The following AP4B1 variants were observed in gnomAD, a reference collection of about 807,000 sequenced individuals.
AP4B1 encodes the protein AP-4 complex subunit beta-1.
A neutral mutation model predicts 76.5 loss-of-function variants in AP4B1; 49 were observed. The observed-to-expected ratio is 0.64, with a 90% CI of 0.51 to 0.81. The LOEUF (loss-of-function observed/expected upper bound fraction) is 0.81, where lower values mean the gene tolerates loss of function less well. Ranked by LOEUF, AP4B1 falls within the 40% of genes least tolerant of loss-of-function variation. The probability of loss-of-function intolerance (pLI) is 0.00; values close to 1 mark genes in which losing one functional copy is unlikely to be tolerated. For synonymous variants in AP4B1, 330 were observed against 333.3 expected (o/e 0.99, Z 0.11); for missense variants, 911 against 904.9 (o/e 1.01, Z -0.09).
chr1:113,898,675 C>T (rs1430612840), intron 6 of AP4B1, 43 bp downstream of exon 6: 1 of 1,448,600 alleles, frequency 6.9e-7, no homozygotes, highest in Non-Finnish European at 9.6e-7. Context: ...ATAGGCCAGG[C>T]ACCTGACAAA....
intron 6 of AP4B1, 75 bp downstream of exon 6, chr1:113,898,643 A>T (rs906301937): frequency 9.1e-7 from 1 of 1,103,494 alleles, no homozygotes; most frequent in Non-Finnish European, 1.4e-6. Context: ...ATTCAACAAC[A>T]AACATGTTTT....
chr1:113,895,436 C>T lies in AP4B1; in HGVS notation c.1849G>A (p.Ala617Thr). 6.2e-7 allele frequency: 1 copy of T among 1,614,212 alleles called. No homozygotes were observed. Reference protein sequence around the residue: ...ERVQELPDSGALMLVPNRQLT... With the variant: ...ERVQELPDSGTLMLVPNRQLT... ...TGGCGATTGGGGACTAGCATGAGGG[C>T]TCCAGAATCAGGGAGTTCTTGTACC... The change falls in exon 10 of 10, where the codon GCC becomes ACC. Residue 617 changes from alanine (A) to threonine (T), a missense_variant. By Grantham distance (58) the Ala-to-Thr change is moderately conservative. Transcript: ENST00000369569.
At chr1:113,900,889 C>T in intron 4 of AP4B1, 1 of 315,460 alleles carries the variant, frequency 3.2e-6, no homozygotes, top group Non-Finnish European at 6.0e-6. Flanking sequence ...GGGCGGATCA[C>T]CTGAGGTCAG....
chr1:113,902,834 C>A lies in AP4B1; in HGVS notation c.142G>T (p.Gly48Cys). Reference sequence around the variant, plus strand: ...GCCTTCACCATTTCCATAAAAACACCAGACATGTCCAAGCCTTGAGTCATG... The same window carrying A: ...GCCTTCACCATTTCCATAAAAACACAAGACATGTCCAAGCCTTGAGTCATG... The part of the protein sequence containing the change: ...RYMTQGLDMS[G>C]VFMEMVKASA... The change falls in exon 2 of 10, where the codon GGT becomes TGT. Residue 48 changes from glycine (G) to cysteine (C), a missense_variant. Physicochemically the swap from Gly to Cys is radical, Grantham distance 159. Coordinates refer to ENST00000369569, the MANE Select transcript of AP4B1 (RefSeq NM_001253852.3). The A allele has an allele frequency of 3.1e-6, 5 of 1,614,180 alleles. No homozygotes were observed. Among genetic ancestry groups the A allele is most frequent in the Non-Finnish European group, 3.4e-6 (4 of 1,180,036 alleles).
Position 113,895,065 on chromosome 1 carries a change from T to C in AP4B1, c.2220A>G (p.Ter740=). 1 of 1,612,878 alleles carries C rather than the reference T, an allele frequency of 6.2e-7. No individual in the cohort carries two copies. The highest frequency in any genetic ancestry group is 8.5e-7 in the Non-Finnish European group (1 of 1,179,320). ...ACTCTAGACAAGCAACAAGACTCTGTTATGATTTTATTTCTTCAATTGTTC... is the reference window on the plus strand; with the variant it reads ...ACTCTAGACAAGCAACAAGACTCTGCTATGATTTTATTTCTTCAATTGTTC... ...VIGTIEEIKS[*] The change falls in exon 10 of 10, where the codon TAA becomes TAG. Residue 740 remains the stop codon, a stop_retained_variant. Transcript: ENST00000369569.
chr1:113,902,760 C>A lies in AP4B1; in HGVS notation c.216G>T (p.Met72Ile). 6.2e-7 allele frequency: 1 copy of A among 1,614,212 alleles called. No individual in the cohort carries two copies. ...IVQKKLVYLY[M>I]CTYAPLKPDL... Reference sequence around the variant, plus strand: ...CTGGTTTCAGGGGAGCATATGTGCACATGTACAGATAAACCAACTTCTTCT... The same window carrying A: ...CTGGTTTCAGGGGAGCATATGTGCAAATGTACAGATAAACCAACTTCTTCT... Residue 72 changes from methionine to isoleucine, a missense_variant, in exon 2 of 10, where the codon ATG becomes ATT. Physicochemically the swap from Met to Ile is conservative, Grantham distance 10. Coordinates refer to ENST00000369569, the MANE Select transcript of AP4B1 (RefSeq NM_001253852.3).
chr1:113,902,731 A>T lies in AP4B1; in HGVS notation c.245T>A (p.Leu82Gln). ...CAGCGTATTGATGGCCAGGAGAGCC[A>T]GATCTGGTTTCAGGGGAGCATATGT... The part of the protein sequence containing the change: ...MCTYAPLKPD[L>Q]ALLAINTLCK... Residue 82 changes from leucine to glutamine, a missense_variant, in exon 2 of 10, where the codon CTG becomes CAG. Physicochemically the swap from Leu to Gln is moderately radical, Grantham distance 113 (BLOSUM62 -2). Coordinates refer to ENST00000369569, the MANE Select transcript of AP4B1 (RefSeq NM_001253852.3). 1 of 1,614,238 alleles carries T rather than the reference A, an allele frequency of 6.2e-7. No individual in the cohort carries two copies. The highest frequency in any genetic ancestry group is 8.5e-7 in the Non-Finnish European group (1 of 1,180,040).
Position 113,900,139 on chromosome 1 carries a change from A to G in AP4B1, c.879T>C (p.Cys293=). ...AACSSESREL[C]FVALCHVRQI... ...GGCGTACATGACAAAGAGCAACAAA[A>G]CAGAGCTCACGGCTCTCTGAAGAAC... Residue 293 remains cysteine (C), a synonymous_variant, in exon 5 of 10, where the codon TGT becomes TGC. Coordinates refer to ENST00000369569, the MANE Select transcript of AP4B1 (RefSeq NM_001253852.3). The G allele has an allele frequency of 6.2e-7, 1 of 1,614,158 alleles. No homozygotes were observed. The highest frequency in any genetic ancestry group is 8.5e-7 in the Non-Finnish European group (1 of 1,180,038).
chr1:113,894,803 A>C lies in AP4B1; in HGVS notation c.*262T>G. 2.3e-6 allele frequency: 1 copy of C among 429,390 alleles called. No homozygotes were observed. The highest frequency in any genetic ancestry group is 4.2e-6 in the Non-Finnish European group (1 of 235,710). 26.6% of individuals were successfully genotyped at this position (429,390 alleles called of 1,614,324 possible). ...ACACAATTCCTAAAATTGATTAGGA[A>C]ATAATCCAAATCCCATCCTCAACGC... On this transcript the variant is annotated 3_prime_UTR_variant, in exon 10 of 10. Transcript: ENST00000369569.
chr1:113,904,760 A>G lies in AP4B1; in HGVS notation c.-43T>C, dbSNP rs751399727. The G allele has an allele frequency of 3.9e-6, 6 of 1,522,210 alleles. No homozygotes were observed. Among genetic ancestry groups the G allele is most frequent in the East Asian group, 2.3e-5 (1 of 44,442 alleles). 94.3% of individuals were successfully genotyped at this position (1,522,210 alleles called of 1,614,324 possible). Reference sequence around the variant, plus strand: ...GGCAGCTCCCACAGCTCCCACGGTAACTCGAGGGCTCCTTCTCGTCCTGAT... The same window carrying G: ...GGCAGCTCCCACAGCTCCCACGGTAGCTCGAGGGCTCCTTCTCGTCCTGAT... On this transcript the variant is annotated 5_prime_UTR_variant, in exon 1 of 10. Transcript: ENST00000369569.
At chr1:113,900,951 T>C (rs1262243747) in intron 4 of AP4B1, 5 of 389,770 alleles carry the variant, frequency 1.3e-5, no homozygotes, top group Non-Finnish European at 2.4e-5. Flanking sequence ...CTACTAAAAA[T>C]ACAAAATTAG....
Position 113,901,756 on chromosome 1 carries a change from T to G in AP4B1, c.468A>C (p.Val156=). The part of the protein sequence containing the change: ...KMHNLHGDSE[V]DGALVNELYS... ...CATGATGGATTACACTGAACTTACC[T>G]ACTTCAGAGTCTCCATGAAGATTAT... The change falls in exon 3 of 10, where the codon GTA becomes GTC. Residue 156 remains valine, a splice_region_variant and synonymous_variant. Transcript: ENST00000369569. 1 of 1,614,204 alleles carries G rather than the reference T, an allele frequency of 6.2e-7. No homozygotes were observed. Among genetic ancestry groups the G allele is most frequent in the Non-Finnish European group, 8.5e-7 (1 of 1,180,020 alleles).
In AP4B1 at chr1:113,904,619, G is replaced by C. The variant is rs982298987; in HGVS notation, c.99C>G (p.Ile33Met). Residue 33 changes from isoleucine (I) to methionine (M), a missense_variant, in exon 1 of 10, where the codon ATC (isoleucine) becomes ATG (methionine). Coordinates refer to ENST00000369569, the MANE Select transcript of AP4B1 (RefSeq NM_001253852.3). ...QADRLRYRNV[I>M]QRVIRYMTQG... ...GTAGGTGATACCTAATCACTCGCTG[G>C]ATGACATTCCGGTAGCGCAGCCTAT... 3.7e-6 allele frequency: 6 copies of C among 1,613,978 alleles called. No individual in the cohort carries two copies. The highest frequency in any genetic ancestry group is 4.2e-6 in the Non-Finnish European group (5 of 1,179,976).
In AP4B1 at chr1:113,894,967, G is replaced by C; in HGVS notation, c.*98C>G. 7.7e-7 allele frequency: 1 copy of C among 1,299,862 alleles called. No individual in the cohort carries two copies. The allele number at this position is 1,299,862 out of a possible 1,614,324, so 80.5% of individuals were successfully genotyped here. On this transcript the variant is annotated 3_prime_UTR_variant, in exon 10 of 10. Transcript: ENST00000369569. Reference sequence around the variant, plus strand: ...ATTTCTAGATTTTCCACTCTCCTTTGTATCTGATATTATCTGGACTTACTG... The same window carrying C: ...ATTTCTAGATTTTCCACTCTCCTTTCTATCTGATATTATCTGGACTTACTG...
Position 113,898,756 on chromosome 1 carries a change from G to C in AP4B1, c.1160C>G (p.Thr387Arg), listed in dbSNP as rs1667824635. 1.2e-6 allele frequency: 2 copies of C among 1,609,706 alleles called. No individual in the cohort carries two copies. ...TYTDQCVQIL[T>R]ELLGLRQEHI... Reference sequence around the variant, plus strand: ...CTCTTGTCGAAGACCCAGCAACTCTGTTAAAATCTGAACACATTGATCTGT... The same window carrying C: ...CTCTTGTCGAAGACCCAGCAACTCTCTTAAAATCTGAACACATTGATCTGT... The change falls in exon 6 of 10, where the codon ACA becomes AGA. Residue 387 changes from threonine (T) to arginine (R), a missense_variant. Coordinates refer to ENST00000369569, the MANE Select transcript of AP4B1 (RefSeq NM_001253852.3).
At chr1:113,904,545 G>C (rs903660674) in intron 1 of AP4B1, 60 bp downstream of exon 1, 9 of 1,494,118 alleles carry the variant, frequency 6.0e-6, no homozygotes, top group Non-Finnish European at 7.5e-6. Context: ...ACTGGGGCTA[G>C]TGAGCCCTGA....
chr1:113,901,971 G>GTAGA, intron 2 of AP4B1, 86 bp from the exon 3 acceptor site: 1 of 1,499,974 alleles, frequency 6.7e-7, no homozygotes, highest in Non-Finnish European at 9.3e-7. Context: ...AGATGGTTTA[G>GTAGA]TAGATGCTGC....
At chr1:113,898,946 C>T in intron 5 of AP4B1, 145 bp from the exon 6 acceptor site, 8 of 925,038 alleles carry the variant, frequency 8.6e-6, no homozygotes, top group Non-Finnish European at 1.3e-5. Context: ...ACTTGATGAA[C>T]TAAGAATATA....
chr1:113,902,089 T>C (rs1287953126), intron 2 of AP4B1: 1 of 639,052 alleles, frequency 1.6e-6, no homozygotes, highest in Non-Finnish European at 2.7e-6. Context: ...TCTCACTTTG[T>C]CACCCAGTGG....
Sources: gnomAD v4.1 joint callset for allele counts on GRCh38, gnomAD v4.1.1 for gene constraint, MANE v1.5 for transcripts, NCBI Gene and HGNC (gene_info 2026-07-23, HGNC 2026-07-21) for gene names.